Variants in RNF130 observed in about 807,000 individuals in gnomAD.
RNF130 encodes E3 ubiquitin-protein ligase RNF130.
Under a neutral mutation model 44.6 loss-of-function variants are expected in RNF130, and 21 were observed. The ratio of observed to expected loss-of-function variants is 0.47; its 90% CI spans 0.33 to 0.68. The LOEUF is 0.68. Ranked by LOEUF, RNF130 falls within the 30% of genes least tolerant of loss-of-function variation. The pLI is 0.02. For synonymous variants in RNF130, 214 were observed against 210.4 expected (o/e 1.02, Z -0.15); for missense variants, 479 against 560.6 (o/e 0.85, Z 1.47).
At chr5:179,966,319 TA>T (rs1236009595) in intron 7 of RNF130, among the ~76,000 whole-genome samples, 2 of 152,074 alleles carry the variant, frequency 1.3e-5, no homozygotes, top group Non-Finnish European at 2.9e-5. Context: ...CAAACTTCCA[TA>T]AAAAATGTAA....
At chr5:179,944,794 G>A (rs1275936024) in intron 7 of RNF130, among the ~76,000 whole-genome samples, 1 of 152,098 alleles carries the variant, frequency 6.6e-6, no homozygotes, top group Non-Finnish European at 1.5e-5. Flanking sequence ...GGGCTACAGG[G>A]GTAACGTGTC....
chr5:179,955,700 A>T (rs1762197414), intron 8 of RNF130, 31 bp from the exon 9 acceptor site: 1 of 1,533,278 alleles, frequency 6.5e-7, no homozygotes, highest in Non-Finnish European at 8.9e-7. Context: ...AGAGGTCATA[A>T]ATTAAAGAGT....
intron 7 of RNF130, among the ~76,000 whole-genome samples, chr5:179,931,700 G>A (rs1474443128): frequency 6.6e-6 from 1 of 151,242 alleles, no homozygotes; most frequent in Non-Finnish European, 1.5e-5. Context: ...GCTTGAACCT[G>A]GGAGGCGGAG....
intron 3 of RNF130, among the ~76,000 whole-genome samples, chr5:179,991,105 TG>T (rs1278336464): frequency 2.0e-5 from 3 of 152,188 alleles, no homozygotes; most frequent in Admixed American, 6.5e-5. Context: ...TTTAGCACTT[TG>T]AAAATAGCAT....
chr5:179,955,920 G>A lies in RNF130; in HGVS notation c.1245-251C>T, dbSNP rs3209571. 2,610 of 386,054 alleles carry A rather than the reference G, an allele frequency of 6.8e-3. 53 individuals carry two copies. Among genetic ancestry groups the A allele is most frequent in the African/African-American group, 0.047 (2,261 of 48,436 alleles). The allele number at this position is 386,054 out of a possible 1,614,324, so 23.9% of individuals were successfully genotyped here. A position where few individuals can be genotyped will look rare whatever the true frequency, so the allele number is the denominator to read the frequency against. On this transcript the variant is annotated intron_variant, in intron 8 of 8. Transcript: ENST00000521389. The stretch of plus-strand genomic sequence containing the variant: ...TGAAGGAAAAGGTCAGGCCCATGGC[G>A]TGTTGTTTAAATACACAGGGACAAT...
exon 8 of RNF130, chr5:179,918,771 C>G (rs1034570552): frequency 6.6e-6 from 1 of 152,188 alleles, no homozygotes; most frequent in African/African-American, 2.4e-5. Context: ...CTCAAATGAG[C>G]GAAAACGAAA....
chr5:179,971,747 AGTTAAT>A (rs1762591510), intron 5 of RNF130, among the ~76,000 whole-genome samples: 1 of 152,256 alleles, frequency 6.6e-6, no homozygotes, highest in African/African-American at 2.4e-5. Flanking sequence ...TCAATTTCTA[AGTTAAT>A]GTTATTTACA....
At chr5:180,026,187 CATT>C (rs1160699654) in intron 2 of RNF130, among the ~76,000 whole-genome samples, 1 of 151,122 alleles carries the variant, frequency 6.6e-6, no homozygotes, top group African/African-American at 2.4e-5. Context: ...TAAAAAGCAA[CATT>C]ATTATTTGGT....
intron 1 of RNF130, among the ~76,000 whole-genome samples, chr5:180,047,040 G>A (rs1371000124): frequency 3.9e-5 from 6 of 151,992 alleles, no homozygotes; most frequent in East Asian, 3.9e-4. Flanking sequence ...TCCTGACTAC[G>A]GTAATGTTCT....
chr5:179,949,881 C>T (rs1762099526), intron 7 of RNF130, among the ~76,000 whole-genome samples: 1 of 152,188 alleles, frequency 6.6e-6, no homozygotes, highest in Admixed American at 6.5e-5. Flanking sequence ...AATCGGATCA[C>T]TGTAACATAC....
At chr5:180,063,503 T>C (rs952276046) in intron 1 of RNF130, among the ~76,000 whole-genome samples, 3 of 152,184 alleles carry the variant, frequency 2.0e-5, no homozygotes, top group Non-Finnish European at 4.4e-5. Context: ...CTGGAGCTTA[T>C]CAATTTGGAG....
intron 1 of RNF130, among the ~76,000 whole-genome samples, chr5:180,055,248 C>CAAAAAAAAAAAAAAAAA (rs1205914690): frequency 7.2e-4 from 15 of 20,946 alleles, no homozygotes; most frequent in African/African-American, 1.0e-3. Context: ...GGTTCTGTCT[C>CAAAAAAAAAAAAAAAAA]AAAAAAAAAA....
chr5:180,037,768 C>T (rs138034666), intron 2 of RNF130, among the ~76,000 whole-genome samples: 61 of 152,288 alleles, frequency 4.0e-4, no homozygotes, highest in Non-Finnish European at 6.8e-4. Flanking sequence ...CCACATAATG[C>T]CAAATTTCTC....
At chr5:180,069,575 A>G (rs1765197910) in intron 1 of RNF130, among the ~76,000 whole-genome samples, 1 of 152,190 alleles carries the variant, frequency 6.6e-6, no homozygotes, top group Non-Finnish European at 1.5e-5. Context: ...CTGAAATCTC[A>G]CCAACTGAGA....
intron 7 of RNF130, chr5:179,940,173 T>A (rs1261652293): frequency 6.5e-6 from 1 of 152,892 alleles, no homozygotes; most frequent in African/African-American, 2.4e-5. Flanking sequence ...TGGGCAAGGG[T>A]GCAGGTGGTG....
intron 3 of RNF130, among the ~76,000 whole-genome samples, chr5:180,004,107 G>C (rs1763410328): frequency 6.6e-6 from 1 of 152,176 alleles, no homozygotes; most frequent in Non-Finnish European, 1.5e-5. Context: ...ATCCAGACTT[G>C]CTGAATTAAG....
In RNF130 at chr5:179,978,190, G is replaced by A. The variant is rs1283625666; in HGVS notation, c.848+13C>T. On this transcript the variant is annotated intron_variant, in intron 5 of 8. Coordinates refer to ENST00000521389, the MANE Select transcript of RNF130 (RefSeq NM_018434.6). ...TAATATCATTCTTTCTCAAACAAAT[G>A]AAGTTGACATACTTGCAGGGGAGAA... 11 of 1,596,742 alleles carry A rather than the reference G, an allele frequency of 6.9e-6. No individual in the cohort carries two copies. The highest frequency in any genetic ancestry group is 4.0e-5 in the African/African-American group (3 of 74,580).
chr5:180,008,824 C>T (rs1371316730), intron 3 of RNF130, among the ~76,000 whole-genome samples: 4 of 151,806 alleles, frequency 2.6e-5, no homozygotes, highest in Non-Finnish European at 5.9e-5. Flanking sequence ...GTGGAGGTTG[C>T]AGTGAGCTGA....
At chr5:180,010,309 G>A (rs1275129135) in intron 3 of RNF130, among the ~76,000 whole-genome samples, 2 of 137,436 alleles carry the variant, frequency 1.5e-5, no homozygotes, top group African/African-American at 5.5e-5. Context: ...AGGAAGTGAA[G>A]AATTCCAAAC....
Sources: allele counts gnomAD v4.1 joint callset (sites outside exome capture counted in the v4.1 genomes callset), GRCh38; gene constraint gnomAD v4.1.1; transcripts MANE v1.5; gene names NCBI Gene and HGNC (gene_info 2026-07-23, HGNC 2026-07-21).